Variants in COL4A1 observed in about 807,000 individuals in gnomAD.
COL4A1 encodes collagen alpha-1(IV) chain.
COL4A1 carries 40 observed loss-of-function variants against 216.6 expected under a neutral mutation model. That is an observed-to-expected ratio of 0.18 (90% confidence interval 0.14 to 0.24). COL4A1 has a LOEUF of 0.24. Among genes scored for constraint, COL4A1 ranks in the 10% least tolerant of loss-of-function variants. The probability of loss-of-function intolerance (pLI) is 1.00; values close to 1 mark genes in which losing one functional copy is unlikely to be tolerated. For missense variants in COL4A1, 1,628 were observed against 2,196.8 expected (o/e 0.74, Z 5.18); for synonymous variants, 839 against 810.7 (o/e 1.03, Z -0.59).
intron 2 of COL4A1, among the ~76,000 whole-genome samples, chr13:110,231,828 G>C (rs1284091183): frequency 6.6e-6 from 1 of 152,180 alleles, no homozygotes; most frequent in Non-Finnish European, 1.5e-5. Flanking sequence ...CCACAGACTT[G>C]GGTACTCAAG....
At chr13:110,209,180 A>C (rs1879655033) in intron 11 of COL4A1, among the ~76,000 whole-genome samples, 1 of 152,180 alleles carries the variant, frequency 6.6e-6, no homozygotes, top group Admixed American at 6.5e-5. Context: ...CAAAGTATTG[A>C]CTAAGGGATG....
chr13:110,253,656 T>C (rs1882350937), intron 1 of COL4A1, among the ~76,000 whole-genome samples: 1 of 145,466 alleles, frequency 6.9e-6, no homozygotes, highest in African/African-American at 2.5e-5. Flanking sequence ...TACATATACG[T>C]ATAATTATAT....
At chr13:110,150,723 T>A (rs955630205) in intron 51 of COL4A1, among the ~76,000 whole-genome samples, 2 of 152,230 alleles carry the variant, frequency 1.3e-5, no homozygotes, top group African/African-American at 2.4e-5. Flanking sequence ...GCCACATCAG[T>A]CTGGCTCCGA....
chr13:110,283,602 A>G (rs1204730420), intron 1 of COL4A1, among the ~76,000 whole-genome samples: 1 of 152,182 alleles, frequency 6.6e-6, no homozygotes, highest in Non-Finnish European at 1.5e-5. Context: ...CCTCACATAC[A>G]GGCACACATA....
chr13:110,250,408 CT>C (rs911209908), intron 1 of COL4A1, among the ~76,000 whole-genome samples: 7 of 152,160 alleles, frequency 4.6e-5, no homozygotes, highest in Non-Finnish European at 1.0e-4. Context: ...TTCTTGGCTT[CT>C]CTTAGGAACA....
chr13:110,164,672 A>AT (rs1160149545), intron 46 of COL4A1, among the ~76,000 whole-genome samples, 190 bp downstream of exon 46: 3 of 152,054 alleles, frequency 2.0e-5, no homozygotes, highest in Non-Finnish European at 4.4e-5. Flanking sequence ...TTTCTTCTGG[A>AT]TTTTTTTTAG....
At chr13:110,177,101 C>G in intron 33 of COL4A1, 64 bp from the exon 34 acceptor site, 1 of 1,604,366 alleles carries the variant, frequency 6.2e-7, no homozygotes, top group Non-Finnish European at 8.5e-7. Flanking sequence ...TCAAAAGGCT[C>G]ACGTTCTTGT....
At chr13:110,209,274 A>AAAGG (rs10687641) in intron 11 of COL4A1, 118 bp downstream of exon 11, 1 of 745,928 alleles carries the variant, frequency 1.3e-6, no homozygotes, top group African/African-American at 2.3e-5. Flanking sequence ...ATAGTTAGAT[A>AAAGG]TAGTGTTAAT....
chr13:110,157,993 T>A lies in COL4A1; in HGVS notation c.4641-2596A>T, dbSNP rs751746510. ...GCCAAGAAAGTAAACAGGAAACCTA[T>A]CAATGAATAGTCTTTTTCTACCTGT... is the stretch of plus-strand genomic sequence containing the variant. On this transcript the variant is annotated intron_variant, in intron 49 of 51. Transcript: ENST00000375820. Among the ~76,000 whole-genome samples the A allele has an allele frequency of 1.1e-3, 167 of 152,082 alleles. 1 individual carries two copies. Among genetic ancestry groups the A allele is most frequent in the Non-Finnish European group, 1.2e-4 (8 of 68,024 alleles).
intron 2 of COL4A1, among the ~76,000 whole-genome samples, chr13:110,220,967 A>C (rs1038529300): frequency 6.6e-6 from 1 of 152,200 alleles, no homozygotes; most frequent in Non-Finnish European, 1.5e-5. Flanking sequence ...GTGATGAAGA[A>C]GGTCCACCCT....
chr13:110,154,460 G>A (rs964655385), intron 50 of COL4A1, among the ~76,000 whole-genome samples: 2 of 152,262 alleles, frequency 1.3e-5, no homozygotes, highest in African/African-American at 4.8e-5. Context: ...CAGCCCTCGG[G>A]TGTTCTCTCC....
At position 110,183,009 on chromosome 13, in the gene COL4A1, C is replaced by T; in HGVS notation, c.2079G>A (p.Gly693=). The change falls in exon 28 of 52, where the codon GGG becomes GGA. Residue 693 remains glycine, a synonymous_variant. Coordinates refer to ENST00000375820, the MANE Select transcript of COL4A1 (RefSeq NM_001845.6). ...AVGQPGIGFP[G]PPGPKGVDGL... ...CAGGGTTACCTTTGGGGCCGGGGGG[C>T]CCTGGAAATCCAATGCCTGGCTGGC... 1.2e-6 allele frequency: 2 copies of T among 1,612,714 alleles called. No individual in the cohort carries two copies. Among genetic ancestry groups the T allele is most frequent in the East Asian group, 2.2e-5 (1 of 44,856 alleles).
chr13:110,266,322 T>C (rs1213281793), intron 1 of COL4A1, among the ~76,000 whole-genome samples: 1 of 152,164 alleles, frequency 6.6e-6, no homozygotes, highest in Non-Finnish European at 1.5e-5. Context: ...CCGTTCTCCA[T>C]GTGGGGAGAC....
intron 1 of COL4A1, among the ~76,000 whole-genome samples, chr13:110,249,209 G>C (rs1384946793): frequency 6.6e-6 from 1 of 152,126 alleles, no homozygotes; most frequent in Non-Finnish European, 1.5e-5. Flanking sequence ...GTAGGGACAA[G>C]GGAGGTTTCT....
intron 1 of COL4A1, among the ~76,000 whole-genome samples, chr13:110,273,889 T>C (rs1274053148): frequency 6.6e-6 from 1 of 152,196 alleles, no homozygotes; most frequent in African/African-American, 2.4e-5. Flanking sequence ...CACTGAGTGC[T>C]TACACTGCAG....
In COL4A1 at chr13:110,281,941, T is replaced by C. The variant is rs148149307; in HGVS notation, c.84+25003A>G. On this transcript the variant is annotated intron_variant, in intron 1 of 51. Transcript: ENST00000375820. ...GCCACCTTCCCTGCTCAGATCTCCA[T>C]CAGTTTATGCCTGAAACACAACAGC... Among the ~76,000 whole-genome samples the C allele has an allele frequency of 9.7e-3, 1,481 of 152,302 alleles. 16 individuals carry two copies. Among genetic ancestry groups the C allele is most frequent in the African/African-American group, 0.028 (1,161 of 41,570 alleles).
intron 21 of COL4A1, 78 bp from the exon 22 acceptor site, chr13:110,195,196 C>G (rs763431965): frequency 3.4e-6 from 4 of 1,185,432 alleles, no homozygotes; most frequent in Non-Finnish European, 5.0e-6. Context: ...TATTATAAAA[C>G]CAAAATATTT....
intron 2 of COL4A1, among the ~76,000 whole-genome samples, chr13:110,241,852 C>T (rs540442596): frequency 1.5e-4 from 23 of 152,180 alleles, no homozygotes; most frequent in Non-Finnish European, 2.5e-4. Flanking sequence ...AGAATTCACA[C>T]GCTAGCCAGA....
intron 33 of COL4A1, 67 bp from the exon 34 acceptor site, chr13:110,177,104 G>A (rs919513947): frequency 3.9e-5 from 63 of 1,602,836 alleles, no homozygotes; most frequent in African/African-American, 5.3e-5. Flanking sequence ...AAAGGCTCAC[G>A]TTCTTGTTGA....
Sources: gnomAD v4.1 joint callset for allele counts (sites outside exome capture counted in the v4.1 genomes callset) on GRCh38, gnomAD v4.1.1 for gene constraint, MANE v1.5 for transcripts, NCBI Gene and HGNC (gene_info 2026-07-23, HGNC 2026-07-21) for gene names.